WDR76: variants seen among roughly 807,000 people sequenced by gnomAD.
The protein encoded by WDR76 is WD repeat-containing protein 76.
In WDR76, 52 loss-of-function variants were observed where a neutral mutation model predicts 70.2. That is an observed-to-expected ratio of 0.74 (90% CI 0.59 to 0.93). WDR76 has a LOEUF of 0.93. Among genes scored for constraint, WDR76 ranks in the 40% least tolerant of loss-of-function variants. WDR76 has a pLI of 0.00. For missense variants in WDR76, 756 were observed against 760.2 expected (o/e 0.99, Z 0.07); for synonymous variants, 292 against 271.1 (o/e 1.08, Z -0.76).
chr15:43,853,984 A>G (rs1419712167), intron 9 of WDR76, among the ~76,000 whole-genome samples: 2 of 152,158 alleles, frequency 1.3e-5, no homozygotes, highest in Non-Finnish European at 2.9e-5. Flanking sequence ...ATCATTATTC[A>G]TTAGGGAAAT....
At chr15:43,834,102 A>G (rs893285063) in intron 2 of WDR76, among the ~76,000 whole-genome samples, 1 of 152,076 alleles carries the variant, frequency 6.6e-6, no homozygotes, top group Non-Finnish European at 1.5e-5. Context: ...TCATGGATTT[A>G]AAAACTATTG....
intron 3 of WDR76, 146 bp from the exon 4 acceptor site, chr15:43,836,015 C>A: frequency 1.8e-6 from 1 of 567,894 alleles, no homozygotes. Context: ...AGTACAGTGG[C>A]GCTGATCATG....
chr15:43,828,925 C>CA (rs1567180794), intron 2 of WDR76, among the ~76,000 whole-genome samples: 1 of 143,652 alleles, frequency 7.0e-6, no homozygotes, highest in East Asian at 2.0e-4. Flanking sequence ...TTTTTGGAGA[C>CA]AGAGTCTCGC....
chr15:43,842,607 T>G lies in WDR76; in HGVS notation c.835-21T>G, dbSNP rs757690313. On this transcript the variant is annotated intron_variant, in intron 6 of 12. Coordinates refer to ENST00000263795, the MANE Select transcript of WDR76 (RefSeq NM_024908.4). ...ATATATACATACTAACTTAGTTCTT[T>G]CATCTCTCCCAATGTTTCAGCCAAG... The G allele has an allele frequency of 8.1e-6, 13 of 1,606,866 alleles. No individual in the cohort carries two copies. In the African/African-American group the frequency reaches 1.5e-4, roughly 18 times the overall value.
At chr15:43,846,750 G>T (rs927950091) in intron 8 of WDR76, among the ~76,000 whole-genome samples, 1 of 151,624 alleles carries the variant, frequency 6.6e-6, no homozygotes. Context: ...AGCCGGACGC[G>T]GTGGCTCACA....
chr15:43,838,474 CTG>C (rs2141730143), intron 4 of WDR76, among the ~76,000 whole-genome samples: 1 of 152,362 alleles, frequency 6.6e-6, no homozygotes, highest in Admixed American at 6.5e-5. Flanking sequence ...GTGTGAGCCA[CTG>C]TGCCTGGCTA....
At position 43,851,070 on chromosome 15, in the gene WDR76, C is replaced by T. The variant is rs772540275; in HGVS notation, c.1033-17C>T. The T allele has an allele frequency of 1.2e-6, 2 of 1,611,780 alleles. No individual in the cohort carries two copies. The highest frequency in any genetic ancestry group is 1.7e-6 in the Non-Finnish European group (2 of 1,178,510). On this transcript the variant is annotated splice_polypyrimidine_tract_variant and intron_variant, in intron 8 of 12. Transcript: ENST00000263795. The stretch of plus-strand genomic sequence containing the variant: ...CTAGTTTTTTTCTCTCTCCCCTTTC[C>T]CGCAACTCTCTTCCAGACCCAGCAA...
chr15:43,839,858 G>A (rs544654095), intron 5 of WDR76, 130 bp downstream of exon 5: 1 of 1,181,710 alleles, frequency 8.5e-7, no homozygotes, highest in African/African-American at 1.6e-5. Context: ...ATGTTGTATG[G>A]TTTTGTTTTG....
intron 8 of WDR76, among the ~76,000 whole-genome samples, chr15:43,846,172 G>A (rs751496520): frequency 6.7e-6 from 1 of 149,776 alleles, no homozygotes; most frequent in East Asian, 1.9e-4. Context: ...GTACCATGTA[G>A]TGAGTTGAGA....
At chr15:43,830,078 G>C (rs1397534866) in intron 2 of WDR76, among the ~76,000 whole-genome samples, 6 of 150,706 alleles carry the variant, frequency 4.0e-5, no homozygotes, top group Non-Finnish European at 8.9e-5. Flanking sequence ...TGTTGCCCAA[G>C]CTGGTCTTAA....
chr15:43,859,447 A>G (rs1167514903), intron 11 of WDR76, among the ~76,000 whole-genome samples: 1 of 152,246 alleles, frequency 6.6e-6, no homozygotes, highest in Non-Finnish European at 1.5e-5. Flanking sequence ...ATTTTGCTTA[A>G]AATTTCAAGC....
chr15:43,841,201 GTTT>G (rs910565504), intron 5 of WDR76, among the ~76,000 whole-genome samples: 1 of 102,268 alleles, frequency 9.8e-6, no homozygotes, highest in Non-Finnish European at 2.0e-5. Context: ...TTGTTTTTTT[GTTT>G]TTTTTTTTTT....
intron 8 of WDR76, among the ~76,000 whole-genome samples, chr15:43,849,621 C>T (rs1292604420): frequency 2.0e-5 from 3 of 152,148 alleles, no homozygotes; most frequent in Non-Finnish European, 4.4e-5. Flanking sequence ...TCACTGCAAC[C>T]TCTGCCTCCC....
At chr15:43,844,582 C>A (rs2087763867) in intron 8 of WDR76, among the ~76,000 whole-genome samples, 1 of 143,764 alleles carries the variant, frequency 7.0e-6, no homozygotes, top group East Asian at 2.1e-4. Flanking sequence ...ACTGTGCCAT[C>A]CAGCCTGGGT....
intron 1 of WDR76, among the ~76,000 whole-genome samples, chr15:43,827,530 G>T (rs933820505): frequency 6.6e-6 from 1 of 152,066 alleles, no homozygotes; most frequent in East Asian, 1.9e-4. Flanking sequence ...GTTTTCTTAC[G>T]AAGGGTGTCA....
At chr15:43,835,812 C>T (rs2087648552) in intron 3 of WDR76, among the ~76,000 whole-genome samples, 2 of 151,958 alleles carry the variant, frequency 1.3e-5, no homozygotes, top group Admixed American at 1.3e-4. Flanking sequence ...GCGCCCGCCA[C>T]CACGCCTGTA....
intron 2 of WDR76, among the ~76,000 whole-genome samples, chr15:43,833,594 C>T (rs188999584): frequency 2.8e-4 from 42 of 151,776 alleles, no homozygotes; most frequent in Admixed American, 2.2e-3. Flanking sequence ...GCTGGGATTA[C>T]AGGCGTGAGC....
At chr15:43,855,962 G>C (rs1171112091) in intron 9 of WDR76, among the ~76,000 whole-genome samples, 2 of 152,092 alleles carry the variant, frequency 1.3e-5, no homozygotes, top group Non-Finnish European at 2.9e-5. Context: ...CATATCTTGA[G>C]TATGCTTCCA....
At chr15:43,860,572 C>T (rs1258821508) in intron 11 of WDR76, among the ~76,000 whole-genome samples, 1 of 151,690 alleles carries the variant, frequency 6.6e-6, no homozygotes, top group African/African-American at 2.4e-5. Context: ...ACAACCCTGA[C>T]GTGCTGGGCT....
Sources: allele counts gnomAD v4.1 joint callset (sites outside exome capture counted in the v4.1 genomes callset), GRCh38; gene constraint gnomAD v4.1.1; transcripts MANE v1.5; gene names NCBI Gene and HGNC (gene_info 2026-07-23, HGNC 2026-07-21).